PLEKHG1: variants seen among roughly 807,000 people sequenced by gnomAD.
The protein encoded by PLEKHG1 is pleckstrin homology and RhoGEF domain containing G1, also known as pleckstrin homology domain-containing family G member 1.
Under a neutral mutation model 100.8 loss-of-function variants are expected in PLEKHG1, and 44 were observed. The observed-to-expected ratio is 0.44, with a 90% CI of 0.34 to 0.56. The LOEUF is 0.56. Ranked by LOEUF, PLEKHG1 falls within the 20% of genes least tolerant of loss-of-function variation. The pLI is 0.01. For missense variants in PLEKHG1, 1,545 were observed against 1,720.9 expected, an observed-to-expected ratio of 0.90 and a Z score of 1.81; for synonymous variants, 640 against 662.5, an observed-to-expected ratio of 0.97 and a Z score of 0.52.
chr6:150,781,491 C>G (rs911727119), intron 3 of PLEKHG1, among the ~76,000 whole-genome samples: 1 of 150,790 alleles, frequency 6.6e-6, no homozygotes, highest in African/African-American at 2.4e-5. Flanking sequence ...GGAGAAGATG[C>G]GAGATTCCAT....
chr6:150,681,372 C>T (rs1779926272), intron 3 of PLEKHG1, among the ~76,000 whole-genome samples: 3 of 151,954 alleles, frequency 2.0e-5, no homozygotes, highest in South Asian at 2.1e-4. Flanking sequence ...TTTAGCTGGG[C>T]GTGGTGGCGT....
At chr6:150,676,871 G>A (rs1779773442) in intron 3 of PLEKHG1, among the ~76,000 whole-genome samples, 1 of 152,118 alleles carries the variant, frequency 6.6e-6, no homozygotes, top group Admixed American at 6.5e-5. Flanking sequence ...GGCAATGCCA[G>A]CCCCAAGGTG....
chr6:150,733,906 G>A (rs777641425), exon 2 of PLEKHG1: 2 of 1,614,198 alleles, frequency 1.2e-6, no homozygotes, highest in African/African-American at 1.3e-5. Flanking sequence ...CCGCCACGGG[G>A]CAACAGAACG....
In PLEKHG1 at chr6:150,722,349, CTTTTTTTTTTTTTTT is replaced by C. The variant is rs139069069; in HGVS notation, c.-99+1157_-99+1171del. 2.2e-4 allele frequency among the ~76,000 whole-genome samples: 20 copies of C among 90,680 alleles called. No homozygotes were observed. The South Asian group carries it at 3.6e-3, about 16-fold the overall frequency. The allele number at this position is 90,680 out of a possible 152,430, so 59.5% of individuals were successfully genotyped here. A position where few individuals can be genotyped will look rare whatever the true frequency, so the allele number is the denominator to read the frequency against. On this transcript the variant is annotated intron_variant, in intron 1 of 15. Coordinates refer to ENST00000358517, the Ensembl canonical transcript of PLEKHG1. ...TCCTTTTCTTTTTTCTTTTTCTTTTCTTTTTTTTTTTTTTTTTTTTTTGAGACTGAGTCTCGCTCT... is the reference window on the plus strand; with the variant it reads ...TCCTTTTCTTTTTTCTTTTTCTTTTCTTTTTTTGAGACTGAGTCTCGCTCT...
intron 2 of PLEKHG1, among the ~76,000 whole-genome samples, chr6:150,640,446 T>A (rs1210505224): frequency 6.6e-6 from 1 of 152,200 alleles, no homozygotes; most frequent in Non-Finnish European, 1.5e-5. Flanking sequence ...CCCATCTTAA[T>A]TAACACTGGT....
chr6:150,667,934 T>C (rs1166677801), intron 3 of PLEKHG1, among the ~76,000 whole-genome samples: 1 of 152,238 alleles, frequency 6.6e-6, no homozygotes, highest in Non-Finnish European at 1.5e-5. Flanking sequence ...CAAGGCCTCT[T>C]GTCTTTTTGT....
At chr6:150,654,812 A>G (rs977487967) in intron 3 of PLEKHG1, among the ~76,000 whole-genome samples, 3 of 152,270 alleles carry the variant, frequency 2.0e-5, no homozygotes, top group African/African-American at 7.2e-5. Flanking sequence ...CACATTATGA[A>G]TAAGTAACTT....
At chr6:150,806,504 G>T (rs1787112701) in intron 7 of PLEKHG1, among the ~76,000 whole-genome samples, 1 of 151,992 alleles carries the variant, frequency 6.6e-6, no homozygotes, top group Admixed American at 6.6e-5. Flanking sequence ...GGCCAACATG[G>T]TGAAACCCTG....
chr6:150,694,231 T>A (rs2128594959), intron 3 of PLEKHG1, among the ~76,000 whole-genome samples: 1 of 152,322 alleles, frequency 6.6e-6, no homozygotes, highest in African/African-American at 2.4e-5. Flanking sequence ...AGAGTTCCAG[T>A]CCCAGACTTA....
intron 3 of PLEKHG1, among the ~76,000 whole-genome samples, chr6:150,685,723 C>A (rs950143291): frequency 7.2e-5 from 11 of 152,128 alleles, no homozygotes; most frequent in African/African-American, 2.4e-4. Context: ...TCAGAATACT[C>A]TTTCTTTGGT....
Position 150,600,676 on chromosome 6 carries a change from T to TG in PLEKHG1, c.-204+660dup, listed in dbSNP as rs1250281901. ...GGTAACACCTGGGCGGCCGCGACTC[T>TG]GCGAGCGTTCTGGCCTCGGCGGGCG... On this transcript the variant is annotated intron_variant, in intron 1 of 3. Coordinates refer to the PLEKHG1 transcript ENST00000367326. The surrounding 1 kb of genome is among the most constrained non-coding windows in gnomAD (Gnocchi z 6.2). Among the ~76,000 whole-genome samples the TG allele has an allele frequency of 2.6e-5, 4 of 152,214 alleles. No individual in the cohort carries two copies. Among genetic ancestry groups the TG allele is most frequent in the Admixed American group, 1.3e-4 (2 of 15,294 alleles).
chr6:150,768,598 G>T (rs1202887447), intron 2 of PLEKHG1, 40 bp from the exon 4 acceptor site: 2 of 1,051,398 alleles, frequency 1.9e-6, no homozygotes, highest in South Asian at 2.5e-5. Context: ...ACTTGGAAAG[G>T]ACAGGAGTGT....
chr6:150,612,051 C>CCG (rs1554251561), intron 1 of PLEKHG1, among the ~76,000 whole-genome samples: 1 of 109,266 alleles, frequency 9.2e-6, no homozygotes, highest in South Asian at 4.1e-4. Context: ...TTGTTCCCCC[C>CCG]CCCCCCCCCT....
In PLEKHG1 at chr6:150,823,194, T is replaced by C. The variant is rs545965479; in HGVS notation, c.1448-460T>C. The stretch of plus-strand genomic sequence containing the variant: ...AGGGTGTCTTCTCTAAGGATGTGGC[T>C]ATGTAAATCTCTCCCCACAATTCCA... On this transcript the variant is annotated intron_variant, in intron 13 of 15. Coordinates refer to ENST00000358517, the Ensembl canonical transcript of PLEKHG1. 2.6e-5 allele frequency among the ~76,000 whole-genome samples: 4 copies of C among 152,292 alleles called. No individual in the cohort carries two copies. The South Asian group carries it at 8.3e-4, about 32-fold the overall frequency.
intron 3 of PLEKHG1, among the ~76,000 whole-genome samples, chr6:150,780,548 A>G (rs1330197078): frequency 1.3e-5 from 2 of 152,002 alleles, no homozygotes; most frequent in African/African-American, 4.8e-5. Context: ...CAGGTGTAGC[A>G]TTTACCCCGA....
chr6:150,672,133 C>T (rs1212661409), intron 3 of PLEKHG1, among the ~76,000 whole-genome samples: 2 of 151,616 alleles, frequency 1.3e-5, no homozygotes, highest in Non-Finnish European at 2.9e-5. Context: ...CTCCAGGACA[C>T]AAAAAAATAT....
At chr6:150,827,486 G>C (rs1390818766) in intron 14 of PLEKHG1, among the ~76,000 whole-genome samples, 1 of 152,054 alleles carries the variant, frequency 6.6e-6, no homozygotes, top group Non-Finnish European at 1.5e-5. Context: ...ATGTTGGTCA[G>C]GCTGGTCTCG....
chr6:150,701,574 A>G (rs962213628), intron 3 of PLEKHG1, among the ~76,000 whole-genome samples: 1 of 147,056 alleles, frequency 6.8e-6, no homozygotes, highest in Non-Finnish European at 1.5e-5. Context: ...CATTTACATT[A>G]GGTATATCTC....
chr6:150,777,762 C>G (rs1263257330), intron 3 of PLEKHG1, among the ~76,000 whole-genome samples: 1 of 150,978 alleles, frequency 6.6e-6, no homozygotes, highest in Non-Finnish European at 1.5e-5. Flanking sequence ...GCACACTACT[C>G]ACACTGATGC....
Sources: gnomAD v4.1 joint callset for allele counts (sites outside exome capture counted in the v4.1 genomes callset) on GRCh38, gnomAD v4.1.1 for gene constraint, Gnocchi (gnomAD v3.1) non-coding constraint, MANE v1.5 for transcripts, NCBI Gene and HGNC (gene_info 2026-07-23, HGNC 2026-07-21) for gene names.